Variants in C11orf65 observed in about 807,000 individuals in gnomAD.
C11orf65 encodes chromosome 11 open reading frame 65.
Under a neutral mutation model 35.3 loss-of-function variants are expected in C11orf65, and 38 were observed. The observed-to-expected ratio is 1.08, with a 90% CI of 0.83 to 1.41. C11orf65 has a LOEUF of 1.41. Among genes scored for constraint, C11orf65 ranks in the 40% most tolerant of loss-of-function variants. The pLI, the probability that C11orf65 is intolerant of heterozygous loss-of-function variation, is 0.00. For missense variants in C11orf65, 370 were observed against 367.1 expected, an observed-to-expected ratio of 1.01 and a Z score of -0.06; for synonymous variants, 105 against 114.4, an observed-to-expected ratio of 0.92 and a Z score of 0.53.
intron 2 of C11orf65, among the ~76,000 whole-genome samples, chr11:108,344,654 G>C (rs2088066638): frequency 6.6e-6 from 1 of 152,072 alleles, no homozygotes; most frequent in African/African-American, 2.4e-5. Context: ...AGAATCGTGG[G>C]TAGAGATGAG....
chr11:108,452,006 A>C (rs1420826356), intron 2 of C11orf65, among the ~76,000 whole-genome samples: 1 of 152,210 alleles, frequency 6.6e-6, no homozygotes, highest in Non-Finnish European at 1.5e-5. Flanking sequence ...AAATTAATTC[A>C]AGATGGATTA....
chr11:108,404,878 G>C (rs1168915699), intron 6 of C11orf65, among the ~76,000 whole-genome samples: 1 of 152,194 alleles, frequency 6.6e-6, no homozygotes, highest in Non-Finnish European at 1.5e-5. Flanking sequence ...CGATCAGGCT[G>C]CTGGGAAAAA....
At chr11:108,323,252 T>C (rs2085361135) in intron 6 of C11orf65, among the ~76,000 whole-genome samples, 1 of 152,228 alleles carries the variant, frequency 6.6e-6, no homozygotes. Context: ...CAAAAGTCTT[T>C]TCTGCTTTCA....
At chr11:108,410,857 C>T (rs1263241810) in intron 3 of C11orf65, among the ~76,000 whole-genome samples, 3 of 151,748 alleles carry the variant, frequency 2.0e-5, no homozygotes, top group African/African-American at 7.3e-5. Context: ...TACAGGCACA[C>T]GCAACCACGA....
intron 3 of C11orf65, among the ~76,000 whole-genome samples, chr11:108,412,672 G>A (rs1176248770): frequency 6.6e-6 from 1 of 152,084 alleles, no homozygotes; most frequent in Non-Finnish European, 1.5e-5. Context: ...GCAGGTCAAG[G>A]GCGGCAGTGA....
chr11:108,396,624 G>T (rs953349422), intron 6 of C11orf65, among the ~76,000 whole-genome samples: 2 of 151,468 alleles, frequency 1.3e-5, no homozygotes, highest in African/African-American at 4.8e-5. Flanking sequence ...GAGGTCAGGA[G>T]ATTGAGACCA....
chr11:108,388,104 G>T (rs1268991629), intron 7 of C11orf65, among the ~76,000 whole-genome samples: 1 of 152,070 alleles, frequency 6.6e-6, no homozygotes, highest in Non-Finnish European at 1.5e-5. Flanking sequence ...TGCTTGCTTG[G>T]ATTTATACAC....
chr11:108,310,078 C>T (rs1225371231), intron 6 of C11orf65: 1 of 1,438,270 alleles, frequency 7.0e-7, no homozygotes, highest in African/African-American at 1.4e-5. Context: ...CAGTCACTAC[C>T]ATTGTATTCT....
intron 2 of C11orf65, chr11:108,346,607 C>CTCT (rs2088440430): frequency 6.6e-6 from 1 of 152,460 alleles, no homozygotes; most frequent in Admixed American, 6.5e-5. Context: ...TTGTGAAACT[C>CTCT]TCTTCTACAT....
chr11:108,336,231 G>A, intron 2 of C11orf65: 1 of 376,108 alleles, frequency 2.7e-6, no homozygotes, highest in Non-Finnish European at 5.0e-6. Context: ...CTTGAGTCCA[G>A]GAGTTTGAGG....
intron 2 of C11orf65, among the ~76,000 whole-genome samples, chr11:108,373,202 C>G (rs2091618733): frequency 6.6e-6 from 1 of 152,048 alleles, no homozygotes; most frequent in South Asian, 2.1e-4. Context: ...AAATCATGAC[C>G]AAATGGCATT....
intron 2 of C11orf65, among the ~76,000 whole-genome samples, chr11:108,371,562 A>C (rs936099909): frequency 1.3e-5 from 2 of 152,160 alleles, no homozygotes; most frequent in South Asian, 2.1e-4. Flanking sequence ...ATATTGCAGA[A>C]TTTCCTTCCT....
chr11:108,400,492 T>A (rs1565648314), intron 6 of C11orf65, among the ~76,000 whole-genome samples: 1 of 152,196 alleles, frequency 6.6e-6, no homozygotes, highest in Non-Finnish European at 1.5e-5. Flanking sequence ...AAAGGTGATG[T>A]ATCTTCGGGA....
chr11:108,351,640 A>G (rs1032162814), intron 2 of C11orf65, among the ~76,000 whole-genome samples: 13 of 152,144 alleles, frequency 8.5e-5, no homozygotes, highest in Admixed American at 2.0e-4. Flanking sequence ...TCTGTCCACA[A>G]TAGTGTCCTG....
rs1175890979 is a variant in C11orf65, at chr11:108,387,148, C to CTTTTTTTTTT, written c.732-1183_732-1174dup. 3.8e-3 allele frequency among the ~76,000 whole-genome samples: 317 copies of CTTTTTTTTTT among 84,390 alleles called. 3 individuals are homozygous for CTTTTTTTTTT. The highest frequency in any genetic ancestry group is 4.8e-3 in the Non-Finnish European group (226 of 46,966). The allele number at this position is 84,390 out of a possible 152,430, so 55.4% of individuals were successfully genotyped here. A position where few individuals can be genotyped will look rare whatever the true frequency, so the allele number is the denominator to read the frequency against. Reference sequence around the variant, plus strand: ...TGATTTTCTTTTCTTTTCTTTCTTTCTTTTTTTTTTTTTTTTTTTTTTTGA... The same window carrying CTTTTTTTTTT: ...TGATTTTCTTTTCTTTTCTTTCTTTCTTTTTTTTTTTTTTTTTTTTTTTTTTTTTTTTTGA... On this transcript the variant is annotated intron_variant, in intron 7 of 8. Coordinates refer to ENST00000393084, the MANE Select transcript of C11orf65 (RefSeq NM_152587.5).
intron 2 of C11orf65, among the ~76,000 whole-genome samples, chr11:108,446,191 A>C (rs2093254428): frequency 6.6e-6 from 1 of 152,098 alleles, no homozygotes; most frequent in African/African-American, 2.4e-5. Flanking sequence ...GAATGGAACC[A>C]AGTTGGAAAA....
chr11:108,378,823 G>A, downstream of C11orf65, among the ~76,000 whole-genome samples: 1 of 148,400 alleles, frequency 6.7e-6, no homozygotes, highest in African/African-American at 2.5e-5. Context: ...TGAAGGACAT[G>A]AACAGACACT....
chr11:108,365,807 T>G (rs2091286649), intron 2 of C11orf65: 1 of 381,392 alleles, frequency 2.6e-6, no homozygotes, highest in Admixed American at 4.1e-5. Flanking sequence ...AGGTCAGGAG[T>G]TCGAGACCAG....
chr11:108,440,391 C>T (rs941621691), intron 2 of C11orf65, among the ~76,000 whole-genome samples: 4 of 152,122 alleles, frequency 2.6e-5, no homozygotes, highest in Admixed American at 6.5e-5. Flanking sequence ...GAGGCTTCAG[C>T]GGGGATGACT....
Sources: gnomAD v4.1 joint callset for allele counts (sites outside exome capture counted in the v4.1 genomes callset) on GRCh38, gnomAD v4.1.1 for gene constraint, MANE v1.5 for transcripts, NCBI Gene and HGNC (gene_info 2026-07-23, HGNC 2026-07-21) for gene names.